Variants in DSCAML1 observed in about 807,000 individuals in gnomAD.
DSCAML1 encodes the protein cell adhesion molecule DSCAML1.
In DSCAML1, 38 loss-of-function variants were observed where a neutral mutation model predicts 200.5. The ratio of observed to expected loss-of-function variants is 0.19; its 90% CI spans 0.15 to 0.25. The LOEUF (loss-of-function observed/expected upper bound fraction) is 0.25, where lower values mean the gene tolerates loss of function less well. DSCAML1 is among the 10% of genes least tolerant of loss of function. The pLI is 1.00. For missense variants in DSCAML1, 2,223 were observed against 2,858.8 expected (o/e 0.78, Z 5.07); for synonymous variants, 1,215 against 1,165.0 (o/e 1.04, Z -0.87).
At chr11:117,545,056 C>A (rs978337076) in intron 3 of DSCAML1, among the ~76,000 whole-genome samples, 11 of 151,852 alleles carry the variant, frequency 7.2e-5, no homozygotes, top group African/African-American at 2.7e-4. Context: ...ATGAAAAAAC[C>A]CGGTCTCTAC....
In DSCAML1 at chr11:117,449,454, G is replaced by A. The variant is rs530010206; in HGVS notation, c.3708+1095C>T. On this transcript the variant is annotated intron_variant, in intron 20 of 32. Transcript: ENST00000651296. ...GAGCTGGGCCACCTACCACTCAGAG[G>A]GTAATTCAGAAAGACCACAGGAAAG... is the stretch of plus-strand genomic sequence containing the variant. 7.8e-4 allele frequency among the ~76,000 whole-genome samples: 119 copies of A among 152,170 alleles called. 1 individual carries two copies. Among genetic ancestry groups the A allele is most frequent in the African/African-American group, 2.8e-3 (116 of 41,492 alleles).
At chr11:117,692,101 C>T (rs1284350988) in intron 3 of DSCAML1, among the ~76,000 whole-genome samples, 1 of 152,114 alleles carries the variant, frequency 6.6e-6, no homozygotes, top group East Asian at 1.9e-4. Flanking sequence ...GAAGTCTTCA[C>T]ACCTTGGTGC....
Position 117,503,853 on chromosome 11 carries a change from G to A in DSCAML1, c.2351C>T (p.Thr784Ile). The change falls in exon 11 of 33, where the codon ACA becomes ATA. Residue 784 changes from threonine (T) to isoleucine (I), a missense_variant. This residue lies in a region of DSCAML1 where 438 missense variants were observed against 629.7 expected (regional missense o/e 0.70). Transcript: ENST00000651296. The surrounding 1 kb of genome is among the most constrained non-coding windows in gnomAD (Gnocchi z 5.2). ...GTGGGGACAGGACTCACTCTTGACT[G>A]TGAGGAACATGGACTTGCTGATGTC... is the stretch of plus-strand genomic sequence containing the variant. ...GTDISKSMFL[T>I]VKIPAMITSH... 6.2e-7 allele frequency: 1 copy of A among 1,613,946 alleles called. No homozygotes were observed. The highest frequency in any genetic ancestry group is 8.5e-7 in the Non-Finnish European group (1 of 1,179,934).
intron 8 of DSCAML1, among the ~76,000 whole-genome samples, chr11:117,508,693 G>A (rs1238733459): frequency 3.9e-5 from 6 of 152,124 alleles, no homozygotes; most frequent in Admixed American, 2.0e-4. Context: ...ACGAGCAAGG[G>A]GAGGGTGGAG....
chr11:117,729,952 G>A (rs773624729), intron 3 of DSCAML1, among the ~76,000 whole-genome samples: 104 of 152,368 alleles, frequency 6.8e-4, no homozygotes, highest in Non-Finnish European at 6.2e-4. Flanking sequence ...TGTAATCCCA[G>A]CACTTTGGGA....
At chr11:117,481,376 T>C in intron 12 of DSCAML1, 106 bp from the exon 13 acceptor site, 1 of 1,082,080 alleles carries the variant, frequency 9.2e-7, no homozygotes, top group Non-Finnish European at 1.4e-6. Flanking sequence ...GCCCTCTTGT[T>C]CTGGGAGGGG....
intron 3 of DSCAML1, among the ~76,000 whole-genome samples, chr11:117,559,358 T>G (rs1458971305): frequency 2.0e-5 from 3 of 151,910 alleles, no homozygotes; most frequent in African/African-American, 7.3e-5. Flanking sequence ...TGACCCCGAG[T>G]TTTTAGACAA....
chr11:117,625,920 C>T (rs73590638), intron 3 of DSCAML1, among the ~76,000 whole-genome samples: 6,486 of 152,272 alleles, frequency 0.043, 462 homozygotes, highest in African/African-American at 0.14. Context: ...GTCTATGAGG[C>T]GCATCTTCCC....
intron 3 of DSCAML1, among the ~76,000 whole-genome samples, chr11:117,597,235 G>C (rs111831397): frequency 5.3e-5 from 8 of 152,202 alleles, no homozygotes; most frequent in African/African-American, 1.9e-4. Flanking sequence ...GGGAGCACTC[G>C]AGAGCCACTT....
intron 3 of DSCAML1, among the ~76,000 whole-genome samples, chr11:117,732,838 A>G (rs2137821517): frequency 6.6e-6 from 1 of 152,158 alleles, no homozygotes. Context: ...ATTATGCATG[A>G]CTAACTCGGG....
At chr11:117,664,089 G>A (rs935229566) in intron 3 of DSCAML1, among the ~76,000 whole-genome samples, 1 of 152,210 alleles carries the variant, frequency 6.6e-6, no homozygotes, top group Non-Finnish European at 1.5e-5. Context: ...GAAGAGAGAG[G>A]GCGTAGTTCC....
Position 117,518,533 on chromosome 11 carries a change from G to C in DSCAML1, c.1443C>G (p.Gly481=). Residue 481 remains glycine, a synonymous_variant, in exon 7 of 33, where the codon GGC becomes GGG. Transcript: ENST00000651296. This position sits in a 1 kb window ranked among gnomAD's most constrained non-coding sequence, Gnocchi z 6.3. ...NVTGPQIRDG[G]VYRCTARNLV... ...AGTTCCGCGCTGTGCACCGGTACAC[G>C]CCCCCGTCGCGGATCTGGGGGCCTG... 6.2e-7 allele frequency: 1 copy of C among 1,614,150 alleles called. No individual in the cohort carries two copies. Among genetic ancestry groups the C allele is most frequent in the Non-Finnish European group, 8.5e-7 (1 of 1,180,036 alleles).
chr11:117,793,414 T>C (rs2055512625), intron 1 of DSCAML1, among the ~76,000 whole-genome samples: 1 of 152,138 alleles, frequency 6.6e-6, no homozygotes, highest in South Asian at 2.1e-4. Flanking sequence ...TCTGAGCATC[T>C]GCCCTCCCCT....
rs190162275 is a variant in DSCAML1, at chr11:117,457,317, C to T, written c.3568+1437G>A. On this transcript the variant is annotated intron_variant, in intron 19 of 32. Coordinates refer to ENST00000651296, the MANE Select transcript of DSCAML1 (RefSeq NM_020693.4). ...GCAGGGAGGGGTGATGCCCCTAGAC[C>T]TCTGGGTTCCTCACAGGGCCTTGCC... 9.5e-4 allele frequency among the ~76,000 whole-genome samples: 144 copies of T among 152,316 alleles called. 1 individual carries two copies. Among genetic ancestry groups the T allele is most frequent in the Middle Eastern group, 3.4e-3 (1 of 294 alleles).
intron 3 of DSCAML1, among the ~76,000 whole-genome samples, chr11:117,623,317 A>G (rs1352288494): frequency 6.7e-6 from 1 of 148,842 alleles, no homozygotes; most frequent in Admixed American, 6.9e-5. Flanking sequence ...CTCAGGTTCA[A>G]GTGATTCTCC....
chr11:117,428,925 C>G, intron 32 of DSCAML1, 122 bp from the exon 33 acceptor site: 1 of 847,442 alleles, frequency 1.2e-6, no homozygotes, highest in Non-Finnish European at 1.8e-6. Context: ...GGCCCCTCCA[C>G]TGGGGGGCAA....
rs1243965949 is a variant in DSCAML1, at chr11:117,774,045, T to C, written c.511+2746A>G. ...ACTACAGGGGCCGCCTGGGGGAAGC[T>C]CCCTGCCTCCAGCTCCTAAGCACAG... On this transcript the variant is annotated intron_variant, in intron 3 of 32. Coordinates refer to ENST00000651296, the MANE Select transcript of DSCAML1 (RefSeq NM_020693.4). 2.6e-5 allele frequency among the ~76,000 whole-genome samples: 4 copies of C among 152,168 alleles called. No homozygotes were observed. The East Asian group carries it at 5.8e-4, about 22-fold the overall frequency.
chr11:117,632,251 T>G (rs2137574247), intron 3 of DSCAML1, among the ~76,000 whole-genome samples: 1 of 152,310 alleles, frequency 6.6e-6, no homozygotes, highest in Middle Eastern at 3.4e-3. Flanking sequence ...GATAGCCACA[T>G]GCGGTCTTGG....
chr11:117,611,461 C>T (rs1244428370), intron 3 of DSCAML1: 1 of 152,208 alleles, frequency 6.6e-6, no homozygotes, highest in African/African-American at 2.4e-5. Context: ...CTGCATGAGA[C>T]ATGAGAACCA....
Sources: gnomAD v4.1 joint callset for allele counts (sites outside exome capture counted in the v4.1 genomes callset) on GRCh38, gnomAD v4.1.1 for gene constraint, gnomAD v4.1.1 regional missense constraint, Gnocchi (gnomAD v3.1) non-coding constraint, MANE v1.5 for transcripts, NCBI Gene and HGNC (gene_info 2026-07-23, HGNC 2026-07-21) for gene names.